ATP8A2: variants seen among roughly 807,000 people sequenced by gnomAD.
ATP8A2 encodes phospholipid-transporting ATPase IB.
A neutral mutation model predicts 165.6 loss-of-function variants in ATP8A2; 100 were observed. The observed-to-expected ratio is 0.60, with a 90% CI of 0.51 to 0.71. ATP8A2 has a LOEUF of 0.71. ATP8A2 is among the 30% of genes least tolerant of loss of function. The pLI, the probability that ATP8A2 is intolerant of heterozygous loss-of-function variation, is 0.00. For synonymous variants in ATP8A2, 543 were observed against 548.8 expected, an observed-to-expected ratio of 0.99 and a Z score of 0.15; for missense variants, 1,227 against 1,479.5, an observed-to-expected ratio of 0.83 and a Z score of 2.80.
intron 28 of ATP8A2, among the ~76,000 whole-genome samples, chr13:25,830,937 A>G (rs1951446939): frequency 6.6e-6 from 1 of 152,336 alleles, no homozygotes; most frequent in African/African-American, 2.4e-5. Context: ...TAATACTATT[A>G]TCTAATTCAT....
chr13:25,978,282 G>A (rs949385239), intron 35 of ATP8A2, among the ~76,000 whole-genome samples: 4 of 152,172 alleles, frequency 2.6e-5, no homozygotes, highest in African/African-American at 9.7e-5. Context: ...TTCTTCAGGA[G>A]GTTCTGGGAT....
intron 2 of ATP8A2, among the ~76,000 whole-genome samples, chr13:25,519,044 C>G (rs2037571777): frequency 6.6e-6 from 1 of 152,190 alleles, no homozygotes; most frequent in South Asian, 2.1e-4. Context: ...CAGTTCTCTT[C>G]ATACTTCTCC....
intron 33 of ATP8A2, among the ~76,000 whole-genome samples, chr13:25,880,145 GATA>G (rs1171749575): frequency 6.6e-6 from 1 of 152,180 alleles, no homozygotes; most frequent in African/African-American, 2.4e-5. Flanking sequence ...TCAGTTATCA[GATA>G]ATCCTAAGAT....
intron 2 of ATP8A2, among the ~76,000 whole-genome samples, chr13:25,480,141 C>T (rs1212433203): frequency 2.0e-4 from 30 of 149,184 alleles, no homozygotes; most frequent in African/African-American, 7.2e-4. Context: ...ACCTCCCTCC[C>T]GGATGGGGCA....
At chr13:25,652,850 T>C (rs1274962816) in intron 24 of ATP8A2, among the ~76,000 whole-genome samples, 1 of 152,226 alleles carries the variant, frequency 6.6e-6, no homozygotes, top group African/African-American at 2.4e-5. Context: ...TGTGCCATTC[T>C]TCCTTTTATT....
intron 33 of ATP8A2, among the ~76,000 whole-genome samples, chr13:25,950,486 C>G (rs1246969402): frequency 6.6e-6 from 1 of 152,172 alleles, no homozygotes. Context: ...AGAACAGTAA[C>G]AGCACTCCCC....
chr13:25,541,078 T>C lies in ATP8A2; in HGVS notation c.651+690T>C, dbSNP rs551723825. Among the ~76,000 whole-genome samples, 42 of 152,210 alleles carry C rather than the reference T, an allele frequency of 2.8e-4. 1 individual carries two copies. The highest frequency in any genetic ancestry group is 9.9e-4 in the African/African-American group (41 of 41,546). On this transcript the variant is annotated intron_variant, in intron 8 of 36. Transcript: ENST00000381655. ...TGGGGTTTCACCATGTTGGCCAGGC[T>C]GGTCTCGAACCCCTGAACTCAAGTG... is the stretch of plus-strand genomic sequence containing the variant.
intron 16 of ATP8A2, among the ~76,000 whole-genome samples, chr13:25,565,290 G>A (rs1264732653): frequency 6.6e-6 from 1 of 152,112 alleles, no homozygotes; most frequent in African/African-American, 2.4e-5. Flanking sequence ...TTTTAGTTCT[G>A]TAAAGAATCT....
intron 28 of ATP8A2, 65 bp downstream of exon 28, chr13:25,828,257 T>G: frequency 7.9e-7 from 1 of 1,272,094 alleles, no homozygotes. Flanking sequence ...ATTCCTTCAC[T>G]GTTTATGTCT....
At chr13:25,998,564 T>C (rs1252522752) in intron 35 of ATP8A2, among the ~76,000 whole-genome samples, 1 of 152,154 alleles carries the variant, frequency 6.6e-6, no homozygotes, top group Non-Finnish European at 1.5e-5. Flanking sequence ...GTAGGCTTCT[T>C]TGTTCATGCC....
chr13:25,970,363 G>C (rs1955885489), intron 35 of ATP8A2, among the ~76,000 whole-genome samples: 1 of 152,202 alleles, frequency 6.6e-6, no homozygotes. Flanking sequence ...CTTCATGTTG[G>C]AGATGGATGA....
chr13:25,893,054 T>C lies in ATP8A2; in HGVS notation c.3183+30646T>C, dbSNP rs549325870. On this transcript the variant is annotated intron_variant, in intron 33 of 36. Coordinates refer to ENST00000381655, the MANE Select transcript of ATP8A2 (RefSeq NM_016529.6). ...TTTCTTTTAGAAAATTTTCTTTTTTTTATTATTATTATACTTTTAAGTTTT... is the reference window on the plus strand; with the variant it reads ...TTTCTTTTAGAAAATTTTCTTTTTTCTATTATTATTATACTTTTAAGTTTT... Among the ~76,000 whole-genome samples the C allele has an allele frequency of 1.4e-4, 22 of 152,152 alleles. No individual in the cohort carries two copies. The South Asian group carries it at 1.9e-3, about 13-fold the overall frequency.
chr13:25,536,832 C>T (rs2038301019), intron 6 of ATP8A2, among the ~76,000 whole-genome samples: 1 of 152,184 alleles, frequency 6.6e-6, no homozygotes, highest in Non-Finnish European at 1.5e-5. Flanking sequence ...CTGATGGAGA[C>T]TGACATTTAT....
intron 24 of ATP8A2, among the ~76,000 whole-genome samples, chr13:25,651,564 A>G (rs1188668691): frequency 2.1e-5 from 3 of 140,874 alleles, no homozygotes; most frequent in Admixed American, 1.4e-4. Flanking sequence ...GTTCACACCT[A>G]TCATCTTTTT....
At chr13:25,739,637 T>G (rs1025510634) in intron 25 of ATP8A2, among the ~76,000 whole-genome samples, 1 of 152,000 alleles carries the variant, frequency 6.6e-6, no homozygotes, top group Non-Finnish European at 1.5e-5. Context: ...AATGGCAAGG[T>G]AACCACTTGT....
chr13:25,494,595 G>A (rs1045607230), intron 2 of ATP8A2, among the ~76,000 whole-genome samples: 11 of 152,188 alleles, frequency 7.2e-5, no homozygotes, highest in African/African-American at 2.2e-4. Flanking sequence ...GGCAGGCTCT[G>A]TGGTATCTGC....
At chr13:25,887,486 C>A (rs180915755) in intron 33 of ATP8A2, among the ~76,000 whole-genome samples, 2 of 152,052 alleles carry the variant, frequency 1.3e-5, no homozygotes, top group Non-Finnish European at 2.9e-5. Flanking sequence ...TTACAGGCGT[C>A]GGCCACCATG....
At chr13:25,412,282 C>T (rs1016389396) in intron 1 of ATP8A2, among the ~76,000 whole-genome samples, 1 of 151,560 alleles carries the variant, frequency 6.6e-6, no homozygotes, top group Non-Finnish European at 1.5e-5. Flanking sequence ...ATGATTCCTG[C>T]AGGATACCTA....
intron 1 of ATP8A2, among the ~76,000 whole-genome samples, chr13:25,408,356 G>C (rs902621984): frequency 6.6e-6 from 1 of 151,312 alleles, no homozygotes; most frequent in African/African-American, 2.4e-5. Context: ...TTGTGCCACT[G>C]CACTCCAGCC....
Sources: gnomAD v4.1 joint callset for allele counts (sites outside exome capture counted in the v4.1 genomes callset) on GRCh38, gnomAD v4.1.1 for gene constraint, MANE v1.5 for transcripts, NCBI Gene and HGNC (gene_info 2026-07-23, HGNC 2026-07-21) for gene names.